Variants in SPOCK3 observed in about 807,000 individuals in gnomAD.
The protein encoded by SPOCK3 is SPARC (osteonectin), cwcv and kazal like domains proteoglycan 3, also known as testican-3.
In SPOCK3, 30 loss-of-function variants were observed where a neutral mutation model predicts 56.6. The observed-to-expected ratio is 0.53, with a 90% CI of 0.40 to 0.72. The LOEUF (loss-of-function observed/expected upper bound fraction) is 0.72. Ranked by LOEUF, SPOCK3 falls within the 30% of genes least tolerant of loss-of-function variation. The pLI is 0.00. For missense variants in SPOCK3, 527 were observed against 530.0 expected (o/e 0.99, Z 0.06); for synonymous variants, 196 against 183.3 (o/e 1.07, Z -0.56).
chr4:166,853,830 T>C (rs1226999756), intron 6 of SPOCK3, among the ~76,000 whole-genome samples: 2 of 151,514 alleles, frequency 1.3e-5, no homozygotes, highest in East Asian at 1.9e-4. Context: ...TGCAGTGAGC[T>C]GAGATCACAT....
In SPOCK3 at chr4:166,807,713, C is replaced by T. The variant is rs533382162; in HGVS notation, c.590-15424G>A. ...CTATAAAAAAGAAACCAAAATTTAA[C>T]GATCATCTGTTTCAACTCTTCTATT... On this transcript the variant is annotated intron_variant, in intron 6 of 10. Coordinates refer to ENST00000357545, the MANE Select transcript of SPOCK3 (RefSeq NM_001040159.2). 1.5e-4 allele frequency among the ~76,000 whole-genome samples: 23 copies of T among 152,166 alleles called. No individual in the cohort carries two copies. In the East Asian group the frequency reaches 3.1e-3, roughly 21 times the overall value.
At chr4:166,940,958 G>GAACT (rs1740992300) in intron 4 of SPOCK3, among the ~76,000 whole-genome samples, 1 of 150,872 alleles carries the variant, frequency 6.6e-6, no homozygotes, top group African/African-American at 2.4e-5. Flanking sequence ...CTTTCAGGAT[G>GAACT]AACTGTCTAT....
At chr4:167,133,240 C>T (rs1273326481) in intron 2 of SPOCK3, among the ~76,000 whole-genome samples, 1 of 152,100 alleles carries the variant, frequency 6.6e-6, no homozygotes, top group Non-Finnish European at 1.5e-5. Context: ...GGAGGGTCAG[C>T]ATGAAAGATG....
At chr4:166,801,341 C>T (rs1315078958) in intron 6 of SPOCK3, among the ~76,000 whole-genome samples, 1 of 152,114 alleles carries the variant, frequency 6.6e-6, no homozygotes, top group African/African-American at 2.4e-5. Flanking sequence ...AAGTTACCAT[C>T]TTTCCCTACC....
At chr4:166,869,398 C>T (rs1195997922) in intron 6 of SPOCK3, among the ~76,000 whole-genome samples, 3 of 152,082 alleles carry the variant, frequency 2.0e-5, no homozygotes, top group African/African-American at 7.2e-5. Flanking sequence ...TCAAGGAGCA[C>T]AGCTTTTTGG....
chr4:167,091,972 T>C (rs1758739709), intron 2 of SPOCK3, among the ~76,000 whole-genome samples: 1 of 152,302 alleles, frequency 6.6e-6, no homozygotes, highest in Admixed American at 6.5e-5. Context: ...AATAAGTGCC[T>C]GCTCCTCCTT....
At chr4:166,842,870 C>A (rs573942611) in intron 6 of SPOCK3, among the ~76,000 whole-genome samples, 1 of 152,234 alleles carries the variant, frequency 6.6e-6, no homozygotes, top group African/African-American at 2.4e-5. Context: ...TAGATGGAAC[C>A]GGGTGCTGTG....
At chr4:167,023,754 GTA>G (rs757801742) in intron 3 of SPOCK3, among the ~76,000 whole-genome samples, 2 of 152,014 alleles carry the variant, frequency 1.3e-5, no homozygotes, top group African/African-American at 4.8e-5. Flanking sequence ...CTGGGACTTT[GTA>G]TGTTTCCCAC....
chr4:167,192,830 A>G (rs71620424), intron 2 of SPOCK3, among the ~76,000 whole-genome samples: 5,013 of 144,302 alleles, frequency 0.035, 520 homozygotes, highest in Middle Eastern at 0.086. Context: ...ATACTTTTTT[A>G]TTTCTCTCTT....
chr4:167,126,625 C>A (rs1178451011), intron 2 of SPOCK3, among the ~76,000 whole-genome samples: 6 of 147,284 alleles, frequency 4.1e-5, no homozygotes, highest in Non-Finnish European at 6.0e-5. Context: ...CCCTGCAATA[C>A]AAAAAAAAAA....
intron 6 of SPOCK3, among the ~76,000 whole-genome samples, chr4:166,881,016 C>A (rs917981071): frequency 1.3e-5 from 2 of 151,986 alleles, no homozygotes; most frequent in Admixed American, 1.3e-4. Flanking sequence ...TATTCATAGA[C>A]CTTTGTAATA....
At chr4:167,105,423 A>T in intron 2 of SPOCK3, among the ~76,000 whole-genome samples, 1 of 150,060 alleles carries the variant, frequency 6.7e-6, no homozygotes. Flanking sequence ...AAGCCTCATG[A>T]TAATCTCAAA....
chr4:166,937,203 C>G (rs1408160673), intron 4 of SPOCK3, among the ~76,000 whole-genome samples: 1 of 151,648 alleles, frequency 6.6e-6, no homozygotes, highest in Non-Finnish European at 1.5e-5. Flanking sequence ...GCAGCAGAAA[C>G]CATAACTTCA....
chr4:167,000,314 G>T, intron 4 of SPOCK3, 35 bp downstream of exon 4: 1 of 1,079,886 alleles, frequency 9.3e-7, no homozygotes, highest in Non-Finnish European at 1.4e-6. Flanking sequence ...AAGGAGCGCT[G>T]TTCAATCAGT....
intron 3 of SPOCK3, among the ~76,000 whole-genome samples, chr4:167,026,805 G>C (rs1211883889): frequency 2.0e-5 from 3 of 147,678 alleles, no homozygotes; most frequent in Non-Finnish European, 1.5e-5. Context: ...TGAAAAGTAA[G>C]TTCTGGCATT....
chr4:166,775,888 G>A (rs1034486649), intron 7 of SPOCK3, among the ~76,000 whole-genome samples: 3 of 152,098 alleles, frequency 2.0e-5, no homozygotes, highest in African/African-American at 7.2e-5. Flanking sequence ...ACTAAATATG[G>A]AACAGATATA....
intron 5 of SPOCK3, among the ~76,000 whole-genome samples, chr4:166,897,185 T>C (rs889703385): frequency 1.3e-5 from 2 of 152,124 alleles, no homozygotes; most frequent in Non-Finnish European, 2.9e-5. Flanking sequence ...CTCTCCGCCA[T>C]TTTCTATGGC....
chr4:166,836,314 C>A (rs1002725340), intron 6 of SPOCK3, among the ~76,000 whole-genome samples: 3 of 152,052 alleles, frequency 2.0e-5, no homozygotes. Context: ...ATTCTCAACA[C>A]GATTTTATCA....
chr4:167,134,131 T>C (rs1762922594), intron 2 of SPOCK3, among the ~76,000 whole-genome samples: 1 of 149,028 alleles, frequency 6.7e-6, no homozygotes, highest in South Asian at 2.1e-4. Context: ...TTGGTTCAAG[T>C]GATTCTCCTG....
Sources: allele counts gnomAD v4.1 joint callset (sites outside exome capture counted in the v4.1 genomes callset), GRCh38; gene constraint gnomAD v4.1.1; transcripts MANE v1.5; gene names NCBI Gene and HGNC (gene_info 2026-07-23, HGNC 2026-07-21).